Variants in ADAMTS20 observed in about 807,000 individuals in gnomAD.
The protein encoded by ADAMTS20 is A disintegrin and metalloproteinase with thrombospondin motifs 20.
Under a neutral mutation model 260.1 loss-of-function variants are expected in ADAMTS20, and 225 were observed. That is an observed-to-expected ratio of 0.87 (90% CI 0.78 to 0.97). ADAMTS20 has a LOEUF of 0.97. Ranked by LOEUF, ADAMTS20 falls within the 50% of genes least tolerant of loss-of-function variation. The pLI is 0.00. For synonymous variants in ADAMTS20, 802 were observed against 769.5 expected (o/e 1.04, Z -0.70); for missense variants, 2,400 against 2,337.7 (o/e 1.03, Z -0.55).
intron 18 of ADAMTS20, among the ~76,000 whole-genome samples, chr12:43,434,602 T>C (rs566684085): frequency 5.1e-4 from 78 of 152,354 alleles, no homozygotes; most frequent in African/African-American, 1.4e-3. Flanking sequence ...GTACAGAAGA[T>C]GGGACAGGCA....
chr12:43,417,215 C>T (rs1426390244), intron 28 of ADAMTS20, among the ~76,000 whole-genome samples: 3 of 152,090 alleles, frequency 2.0e-5, no homozygotes, highest in South Asian at 2.1e-4. Context: ...CTTCTAAGAC[C>T]TCTGGGTTTC....
chr12:43,398,952 A>G, intron 29 of ADAMTS20, 114 bp downstream of exon 29: 1 of 657,904 alleles, frequency 1.5e-6, no homozygotes, highest in South Asian at 7.0e-5. Flanking sequence ...GCAAAAAAGT[A>G]TATAACAATA....
intron 2 of ADAMTS20, among the ~76,000 whole-genome samples, chr12:43,532,527 G>C (rs1286989073): frequency 1.4e-5 from 2 of 141,666 alleles, no homozygotes; most frequent in Non-Finnish European, 3.0e-5. Context: ...TTTGATCTGT[G>C]GGAAAATAGA....
chr12:43,492,546 A>C lies in ADAMTS20; in HGVS notation c.1035T>G (p.Asp345Glu). Residue 345 changes from aspartate (D) to glutamate (E), a missense_variant, in exon 6 of 39, where the codon GAT becomes GAG. Coordinates refer to ENST00000389420, the MANE Select transcript of ADAMTS20 (RefSeq NM_025003.5). ...SWQQTQNDLD[D>E]VHPSHHDTAV... is the part of the protein sequence containing the mutation. The stretch of plus-strand genomic sequence containing the variant: ...CAGTGTCATGGTGGGAAGGGTGAAC[A>C]TCATCAAGGTCATTCTGAGTTTGTT... 3 of 1,613,896 alleles carry C rather than the reference A, an allele frequency of 1.9e-6. No homozygotes were observed. Among genetic ancestry groups the C allele is most frequent in the Non-Finnish European group, 2.5e-6 (3 of 1,179,842 alleles).
chr12:43,435,827 G>C (rs1209977787), intron 18 of ADAMTS20, among the ~76,000 whole-genome samples: 1 of 151,994 alleles, frequency 6.6e-6, no homozygotes, highest in African/African-American at 2.4e-5. Flanking sequence ...TTTGCATGCA[G>C]GATAACTACA....
In ADAMTS20 at chr12:43,405,229, C is replaced by CCAAAAAAAAAAAAAAAAAAA. The variant is rs1410899520; in HGVS notation, c.4285-5997_4285-5996insTTTTTTTTTTTTTTTTTTTG. On this transcript the variant is annotated intron_variant, in intron 28 of 38. Coordinates refer to ENST00000389420, the MANE Select transcript of ADAMTS20 (RefSeq NM_025003.5). ...GTAACAAAATGAGACCTCATCTCTA[C>CCAAAAAAAAAAAAAAAAAAA]AAAAAAAAAAAAAAAAAAAAAAAAA... is the stretch of plus-strand genomic sequence containing the variant. Among the ~76,000 whole-genome samples the CCAAAAAAAAAAAAAAAAAAA allele has an allele frequency of 7.6e-5, 4 of 52,780 alleles. 1 individual carries two copies. Among genetic ancestry groups the CCAAAAAAAAAAAAAAAAAAA allele is most frequent in the Non-Finnish European group, 9.6e-5 (3 of 31,168 alleles). 34.6% of individuals were successfully genotyped at this position (52,780 alleles called of 152,430 possible). A position where few individuals can be genotyped will look rare whatever the true frequency, so the allele number is the denominator to read the frequency against.
chr12:43,525,091 A>G (rs975127139), intron 3 of ADAMTS20, among the ~76,000 whole-genome samples: 1 of 152,174 alleles, frequency 6.6e-6, no homozygotes, highest in Non-Finnish European at 1.5e-5. Context: ...AGGCTGTCTA[A>G]AGTAAACATA....
chr12:43,437,625 C>A (rs562444373), intron 18 of ADAMTS20, among the ~76,000 whole-genome samples: 5 of 152,074 alleles, frequency 3.3e-5, no homozygotes, highest in South Asian at 2.1e-4. Context: ...AACTATTGAT[C>A]GAGCATGAGA....
chr12:43,377,791 C>T (rs1940262781), intron 31 of ADAMTS20, among the ~76,000 whole-genome samples: 1 of 143,852 alleles, frequency 7.0e-6, no homozygotes, highest in African/African-American at 2.7e-5. Context: ...AGCTGTAGTG[C>T]CTGTGTGTGC....
chr12:43,446,972 T>C (rs1941774243), intron 14 of ADAMTS20, among the ~76,000 whole-genome samples: 2 of 151,832 alleles, frequency 1.3e-5, no homozygotes, highest in Admixed American at 1.3e-4. Flanking sequence ...AGACCAATAA[T>C]GAGCTCTGAA....
At chr12:43,468,181 C>T (rs1013502262) in intron 8 of ADAMTS20, among the ~76,000 whole-genome samples, 2 of 152,130 alleles carry the variant, frequency 1.3e-5, no homozygotes, top group Non-Finnish European at 2.9e-5. Context: ...GGGCAATATC[C>T]TCTGTTGGGG....
At chr12:43,500,323 C>T (rs1226174705) in intron 4 of ADAMTS20, among the ~76,000 whole-genome samples, 2 of 152,182 alleles carry the variant, frequency 1.3e-5, no homozygotes, top group African/African-American at 2.4e-5. Flanking sequence ...GCCACTACGC[C>T]GAGCCCCAAC....
chr12:43,379,837 A>G (rs560330110), intron 31 of ADAMTS20, among the ~76,000 whole-genome samples: 47 of 152,268 alleles, frequency 3.1e-4, no homozygotes, highest in Non-Finnish European at 5.1e-4. Flanking sequence ...TTTGTAACCA[A>G]AACACTTCAC....
At position 43,369,294 on chromosome 12, in the gene ADAMTS20, G is replaced by A; in HGVS notation, c.5534C>T (p.Pro1845Leu). ...AGDCYSAFRC[P>L]QGQFSINLSG... Reference sequence around the variant, plus strand: ...AATCAAACAAATATGAAATACCTGTGGGCATCTGAAAGCACTGTAGCAATC... The same window carrying A: ...AATCAAACAAATATGAAATACCTGTAGGCATCTGAAAGCACTGTAGCAATC... Residue 1845 changes from proline (P) to leucine (L), a missense_variant, in exon 37 of 39, where the codon CCA (proline) becomes CTA (leucine). Coordinates refer to ENST00000389420, the MANE Select transcript of ADAMTS20 (RefSeq NM_025003.5). 6.6e-7 allele frequency: 1 copy of A among 1,504,912 alleles called. No homozygotes were observed. The highest frequency in any genetic ancestry group is 8.9e-7 in the Non-Finnish European group (1 of 1,127,596). The allele number at this position is 1,504,912 out of a possible 1,614,324, so 93.2% of individuals were successfully genotyped here. A position where few individuals can be genotyped will look rare whatever the true frequency, so the allele number is the denominator to read the frequency against.
rs765540670 is a variant in ADAMTS20 at position 43,446,623 on chromosome 12, T to C, written c.2169A>G (p.Ile723Met). ...CGGDNSSCKTITGVFNSSHYG... is the reference protein window; with the variant it reads ...CGGDNSSCKTMTGVFNSSHYG... The stretch of plus-strand genomic sequence containing the variant: ...AATGAGAACTGTTGAAGACACCTGT[T>C]ATTGTCTTGCATGAAGAGTTGTCCC... Residue 723 changes from isoleucine to methionine, a missense_variant, in exon 15 of 39, where the codon ATA becomes ATG. By Grantham distance (10) the Ile-to-Met change is conservative. Transcript: ENST00000389420. 1 of 1,613,252 alleles carries C rather than the reference T, an allele frequency of 6.2e-7. No individual in the cohort carries two copies. Among genetic ancestry groups the C allele is most frequent in the African/African-American group, 1.3e-5 (1 of 75,014 alleles).
At chr12:43,499,197 G>C (rs12099675) in intron 4 of ADAMTS20, among the ~76,000 whole-genome samples, 32,584 of 152,096 alleles carry the variant, frequency 0.21, 4,056 homozygotes, top group African/African-American at 0.33. Flanking sequence ...CAACTTTGCT[G>C]CATCTATCTC....
chr12:43,427,472 G>A lies in ADAMTS20; in HGVS notation c.3946-3C>T. The A allele has an allele frequency of 1.2e-6, 2 of 1,601,156 alleles. No individual in the cohort carries two copies. Among genetic ancestry groups the A allele is most frequent in the Non-Finnish European group, 1.7e-6 (2 of 1,175,218 alleles). On this transcript the variant is annotated splice_polypyrimidine_tract_variant and splice_region_variant and intron_variant, in intron 26 of 38. Transcript: ENST00000389420. ...CCTCCAGAACAACTGCTGGAGCACTGACAAGAATAAAACACAAAATATGCA... is the reference window on the plus strand; with the variant it reads ...CCTCCAGAACAACTGCTGGAGCACTAACAAGAATAAAACACAAAATATGCA...
intron 12 of ADAMTS20, among the ~76,000 whole-genome samples, 184 bp downstream of exon 12, chr12:43,453,723 G>T (rs1018534000): frequency 8.3e-6 from 1 of 120,742 alleles, no homozygotes; most frequent in African/African-American, 3.0e-5. Context: ...ATCTATTTAT[G>T]TTTTTTTTTT....
chr12:43,387,921 G>A (rs927148049), intron 29 of ADAMTS20, among the ~76,000 whole-genome samples: 61 of 152,150 alleles, frequency 4.0e-4, no homozygotes, highest in African/African-American at 9.4e-4. Flanking sequence ...AGACTGCCGT[G>A]CTGGCAGCAA....
Sources: allele counts gnomAD v4.1 joint callset (sites outside exome capture counted in the v4.1 genomes callset), GRCh38; gene constraint gnomAD v4.1.1; transcripts MANE v1.5; gene names NCBI Gene and HGNC (gene_info 2026-07-23, HGNC 2026-07-21).